ULK4: variants seen among roughly 807,000 people sequenced by gnomAD.
The protein encoded by ULK4 is unc-51 like kinase 4.
ULK4 carries 133 observed loss-of-function variants against 160.6 expected under a neutral mutation model. The observed-to-expected ratio is 0.83, with a 90% CI of 0.72 to 0.96. The LOEUF (loss-of-function observed/expected upper bound fraction) is 0.96. Among genes scored for constraint, ULK4 ranks in the 40% least tolerant of loss-of-function variants. The probability of loss-of-function intolerance (pLI) is 0.00; values close to 1 mark genes in which losing one functional copy is unlikely to be tolerated. For synonymous variants in ULK4, 534 were observed against 539.8 expected, an observed-to-expected ratio of 0.99 and a Z score of 0.15; for missense variants, 1,580 against 1,499.5, an observed-to-expected ratio of 1.05 and a Z score of -0.89.
intron 17 of ULK4, among the ~76,000 whole-genome samples, chr3:41,852,896 A>C (rs2042251119): frequency 6.6e-6 from 1 of 152,172 alleles, no homozygotes; most frequent in African/African-American, 2.4e-5. Flanking sequence ...AAATGTTGAG[A>C]CCTTGATACT....
intron 21 of ULK4, among the ~76,000 whole-genome samples, chr3:41,783,409 T>C (rs1000609204): frequency 6.6e-6 from 1 of 151,874 alleles, no homozygotes; most frequent in African/African-American, 2.4e-5. Context: ...CAGTGGCTCA[T>C]GCCTATAACC....
intron 19 of ULK4, among the ~76,000 whole-genome samples, chr3:41,802,151 T>A (rs911638008): frequency 6.6e-6 from 1 of 151,936 alleles, no homozygotes; most frequent in Non-Finnish European, 1.5e-5. Flanking sequence ...ACAAAAATAT[T>A]AAAGGAAATT....
At chr3:41,470,043 A>T (rs1037648817) in intron 32 of ULK4, among the ~76,000 whole-genome samples, 1 of 148,324 alleles carries the variant, frequency 6.7e-6, no homozygotes, top group African/African-American at 2.5e-5. Flanking sequence ...AAAAAAAAAA[A>T]AAACAAAGTA....
rs549063059 is a variant in ULK4, at chr3:41,590,282, A to G, written c.3121-24152T>C. Among the ~76,000 whole-genome samples the G allele has an allele frequency of 3.4e-3, 511 of 151,042 alleles. 3 individuals carry two copies. The highest frequency in any genetic ancestry group is 0.012 in the African/African-American group (485 of 41,314). Reference sequence around the variant, plus strand: ...CTCCCAAAGTGCTGGGATTACAGGCATGAGCCACCGCGCCCGGCCCCCAAA... The same window carrying G: ...CTCCCAAAGTGCTGGGATTACAGGCGTGAGCCACCGCGCCCGGCCCCCAAA... On this transcript the variant is annotated intron_variant, in intron 31 of 36. Transcript: ENST00000301831.
intron 3 of ULK4, chr3:41,937,412 A>G: frequency 1.5e-6 from 1 of 664,366 alleles, no homozygotes; most frequent in South Asian, 1.6e-5. Flanking sequence ...ATAAATTCTA[A>G]GTATCAATAT....
At chr3:41,748,838 G>T (rs1002711515) in intron 22 of ULK4, among the ~76,000 whole-genome samples, 18 of 152,264 alleles carry the variant, frequency 1.2e-4, no homozygotes, top group Admixed American at 5.2e-4. Context: ...CTTTTATCAG[G>T]ATAATAATAT....
intron 19 of ULK4, among the ~76,000 whole-genome samples, chr3:41,800,738 T>C (rs1311079116): frequency 2.6e-5 from 4 of 152,276 alleles, no homozygotes; most frequent in South Asian, 2.1e-4. Context: ...AGTGGAAAGA[T>C]TGTCTAAATA....
At chr3:41,732,877 C>T (rs1346446334) in intron 22 of ULK4, among the ~76,000 whole-genome samples, 1 of 152,012 alleles carries the variant, frequency 6.6e-6, no homozygotes, top group East Asian at 1.9e-4. Context: ...GGCATGATCT[C>T]GCTCATATGT....
intron 34 of ULK4, among the ~76,000 whole-genome samples, chr3:41,454,034 G>C (rs1421808950): frequency 1.0e-5 from 1 of 95,726 alleles, no homozygotes; most frequent in East Asian, 3.9e-4. Context: ...TCATGGGGTG[G>C]GGGGAGGGGG....
intron 35 of ULK4, among the ~76,000 whole-genome samples, chr3:41,381,576 A>C (rs905805012): frequency 3.9e-5 from 6 of 152,134 alleles, no homozygotes; most frequent in Admixed American, 6.6e-5. Flanking sequence ...TATTTCTTTC[A>C]TAGTCTCCAA....
At chr3:41,897,057 G>A (rs962813075) in intron 14 of ULK4, 54 bp from the exon 15 acceptor site, 72 of 1,462,364 alleles carry the variant, frequency 4.9e-5, no homozygotes, top group Non-Finnish European at 6.7e-5. Context: ...AGAACTGCTG[G>A]AAACATTACA....
chr3:41,755,890 C>A (rs2038782995), intron 21 of ULK4, among the ~76,000 whole-genome samples: 2 of 152,098 alleles, frequency 1.3e-5, no homozygotes, highest in South Asian at 2.1e-4. Flanking sequence ...AGGAAACATT[C>A]AATGAAATAA....
intron 29 of ULK4, among the ~76,000 whole-genome samples, chr3:41,681,121 A>T (rs2035908766): frequency 6.6e-6 from 1 of 152,136 alleles, no homozygotes; most frequent in South Asian, 2.1e-4. Flanking sequence ...GGAGAAGGGG[A>T]TTACCTCTAT....
chr3:41,720,740 C>T (rs1372647828), intron 22 of ULK4, among the ~76,000 whole-genome samples: 1 of 152,152 alleles, frequency 6.6e-6, no homozygotes, highest in Non-Finnish European at 1.5e-5. Context: ...TTTGACAAGA[C>T]TGCCATCAAG....
At chr3:41,307,254 T>G (rs1002802669) in intron 35 of ULK4, among the ~76,000 whole-genome samples, 9 of 151,940 alleles carry the variant, frequency 5.9e-5, no homozygotes, top group Non-Finnish European at 8.8e-5. Flanking sequence ...CTCGGCCTGA[T>G]TCCATGTGCC....
At chr3:41,606,354 T>A (rs1454305861) in intron 31 of ULK4, among the ~76,000 whole-genome samples, 1 of 152,058 alleles carries the variant, frequency 6.6e-6, no homozygotes, top group Non-Finnish European at 1.5e-5. Context: ...TGCATATACA[T>A]GCCACATTTG....
At chr3:41,388,287 T>C (rs2081871186) in intron 35 of ULK4, among the ~76,000 whole-genome samples, 1 of 152,096 alleles carries the variant, frequency 6.6e-6, no homozygotes, top group Non-Finnish European at 1.5e-5. Context: ...CTTTGTCAGA[T>C]GAGTAGGTTG....
intron 35 of ULK4, among the ~76,000 whole-genome samples, chr3:41,261,362 T>C (rs1386897420): frequency 1.3e-5 from 2 of 152,158 alleles, no homozygotes; most frequent in East Asian, 3.9e-4. Context: ...AAATGAAGGC[T>C]AGGAGGGCTC....
At chr3:41,575,957 G>A (rs1268455080) in intron 31 of ULK4, among the ~76,000 whole-genome samples, 1 of 152,340 alleles carries the variant, frequency 6.6e-6, no homozygotes, top group East Asian at 1.9e-4. Context: ...GAGGACCCTG[G>A]CAGTGGAGCC....
Sources: allele counts gnomAD v4.1 joint callset (sites outside exome capture counted in the v4.1 genomes callset), GRCh38; gene constraint gnomAD v4.1.1; transcripts MANE v1.5; gene names NCBI Gene and HGNC (gene_info 2026-07-23, HGNC 2026-07-21).